The following TAF4B variants were observed in gnomAD, a reference collection of about 807,000 sequenced individuals.
The protein encoded by TAF4B is transcription initiation factor TFIID subunit 4B.
A neutral mutation model predicts 86.4 loss-of-function variants in TAF4B; 38 were observed. The ratio of observed to expected loss-of-function variants is 0.44; its 90% CI spans 0.34 to 0.58. The LOEUF (loss-of-function observed/expected upper bound fraction) is 0.58. Ranked by LOEUF, TAF4B falls within the 20% of genes least tolerant of loss-of-function variation. The pLI is 0.02. For synonymous variants in TAF4B, 388 were observed against 391.2 expected (o/e 0.99, Z 0.10); for missense variants, 988 against 1,027.6 (o/e 0.96, Z 0.53).
At chr18:26,315,095 A>ACTCTCT (rs58691265) in intron 9 of TAF4B, 134 bp from the exon 10 acceptor site, 3,652 of 219,356 alleles carry the variant, frequency 0.017, 73 homozygotes, top group East Asian at 0.073. Flanking sequence ...GCTCTCTGAA[A>ACTCTCT]CTCTCTCTCT....
chr18:26,229,725 A>T (rs1378331842), intron 1 of TAF4B, among the ~76,000 whole-genome samples: 1 of 151,548 alleles, frequency 6.6e-6, no homozygotes, highest in Non-Finnish European at 1.5e-5. Context: ...CTGGTCTCGA[A>T]CTCCTGACCT....
chr18:26,243,139 A>C (rs1331440140), intron 1 of TAF4B, among the ~76,000 whole-genome samples: 1 of 152,140 alleles, frequency 6.6e-6, no homozygotes, highest in Non-Finnish European at 1.5e-5. Flanking sequence ...CTGCCTTGCT[A>C]GGTTGGGGAA....
rs186192175 is a variant in TAF4B at position 26,385,785 on chromosome 18, T to C, written c.2422-4060T>C. On this transcript the variant is annotated intron_variant, in intron 14 of 14. Transcript: ENST00000269142. ...TAATGTGACCAGAAATCAGTCCTAG[T>C]CAACTCTGGGGAAAGGACTTGGTGA... Among the ~76,000 whole-genome samples, 297 of 150,722 alleles carry C rather than the reference T, an allele frequency of 2.0e-3. 2 individuals carry two copies. The highest frequency in any genetic ancestry group is 0.014 in the Middle Eastern group (4 of 292).
chr18:26,233,799 A>G (rs868184460), intron 1 of TAF4B, among the ~76,000 whole-genome samples: 2 of 152,152 alleles, frequency 1.3e-5, no homozygotes, highest in African/African-American at 4.8e-5. Flanking sequence ...AATCCCCTTG[A>G]CTTAGGCATA....
chr18:26,295,966 A>G (rs966026645), intron 9 of TAF4B, among the ~76,000 whole-genome samples: 7 of 144,458 alleles, frequency 4.8e-5, no homozygotes, highest in Non-Finnish European at 7.5e-5. Flanking sequence ...ATAGTTTTAA[A>G]TATTAGTTCT....
chr18:26,305,329 T>C (rs1361927007), intron 9 of TAF4B, among the ~76,000 whole-genome samples: 1 of 152,264 alleles, frequency 6.6e-6, no homozygotes, highest in African/African-American at 2.4e-5. Context: ...AACTTTCTTA[T>C]TTGCAATGCC....
intron 10 of TAF4B, among the ~76,000 whole-genome samples, chr18:26,320,821 G>T (rs771132759): frequency 6.6e-6 from 1 of 152,068 alleles, no homozygotes; most frequent in Non-Finnish European, 1.5e-5. Context: ...TCCTATAAAT[G>T]ACCTTGCAAG....
Position 26,293,446 on chromosome 18 carries a change from A to G in TAF4B, c.1747A>G (p.Thr583Ala). The G allele has an allele frequency of 6.3e-7, 1 of 1,596,202 alleles. No homozygotes were observed. The highest frequency in any genetic ancestry group is 8.5e-7 in the Non-Finnish European group (1 of 1,175,216). Residue 583 changes from threonine (T) to alanine (A), a missense_variant, in exon 9 of 15, where the codon ACT becomes GCT. By Grantham distance (58) the Thr-to-Ala change is moderately conservative. Transcript: ENST00000269142. ...TATAGCTTCCATTCTAAAGCAAATT[A>G]CTCTGCCTGGAAATAAAATTCTGTC... Reference protein sequence around the residue: ...FPPASILKQITLPGNKILSLQ... With the variant: ...FPPASILKQIALPGNKILSLQ...
At chr18:26,277,090 AT>A (rs1487855576) in intron 5 of TAF4B, among the ~76,000 whole-genome samples, 1 of 151,270 alleles carries the variant, frequency 6.6e-6, no homozygotes, top group African/African-American at 2.4e-5. Context: ...TATTGAAAAA[AT>A]TTTTTTTTGA....
intron 5 of TAF4B, among the ~76,000 whole-genome samples, chr18:26,279,919 C>T (rs1299497039): frequency 1.3e-5 from 2 of 152,052 alleles, no homozygotes; most frequent in Non-Finnish European, 2.9e-5. Flanking sequence ...TGGCATATGC[C>T]TGTAGTCCCA....
chr18:26,332,718 C>T (rs1257970675), intron 12 of TAF4B, among the ~76,000 whole-genome samples: 2 of 151,996 alleles, frequency 1.3e-5, no homozygotes, highest in African/African-American at 2.4e-5. Context: ...TTAGTAGAGA[C>T]GGGGTTTCAC....
At chr18:26,349,815 CTG>C (rs1355838028) in intron 13 of TAF4B, among the ~76,000 whole-genome samples, 1 of 152,202 alleles carries the variant, frequency 6.6e-6, no homozygotes, top group African/African-American at 2.4e-5. Flanking sequence ...TGCTTCAAAA[CTG>C]TAGTCACCGA....
chr18:26,342,683 C>A (rs2057145792), intron 13 of TAF4B, among the ~76,000 whole-genome samples: 1 of 152,164 alleles, frequency 6.6e-6, no homozygotes, highest in Non-Finnish European at 1.5e-5. Context: ...TCTTCAATTA[C>A]TGTTGCTTAG....
intron 14 of TAF4B, among the ~76,000 whole-genome samples, chr18:26,375,546 A>G (rs2057436804): frequency 1.3e-5 from 2 of 152,214 alleles, no homozygotes; most frequent in South Asian, 4.1e-4. Flanking sequence ...CACTTTCTCC[A>G]CATCCTTGCC....
chr18:26,383,508 T>C (rs1024366545), intron 14 of TAF4B, among the ~76,000 whole-genome samples: 1 of 152,170 alleles, frequency 6.6e-6, no homozygotes, highest in Non-Finnish European at 1.5e-5. Flanking sequence ...GTTTGAAACA[T>C]GTAGAATTTG....
At chr18:26,362,783 A>G (rs186685028) in intron 14 of TAF4B, among the ~76,000 whole-genome samples, 177 of 152,286 alleles carry the variant, frequency 1.2e-3, no homozygotes, top group African/African-American at 3.8e-3. Flanking sequence ...AGCTGAGATA[A>G]TAGTCATATA....
chr18:26,251,455 A>C lies in TAF4B; in HGVS notation c.344-13715A>C, dbSNP rs75509543. On this transcript the variant is annotated intron_variant, in intron 1 of 14. Coordinates refer to ENST00000269142, the MANE Select transcript of TAF4B (RefSeq NM_005640.3). ...TTCCATTCAGATCAGCTTGACACCAAGAAATTGGCATTTTTGGATGTTGGG... is the reference window on the plus strand; with the variant it reads ...TTCCATTCAGATCAGCTTGACACCACGAAATTGGCATTTTTGGATGTTGGG... 4.3e-3 allele frequency among the ~76,000 whole-genome samples: 654 copies of C among 152,286 alleles called. 3 individuals are homozygous for C. The highest frequency in any genetic ancestry group is 0.015 in the African/African-American group (624 of 41,558).
intron 1 of TAF4B, among the ~76,000 whole-genome samples, chr18:26,233,333 C>T (rs900091205): frequency 6.6e-6 from 1 of 152,086 alleles, no homozygotes; most frequent in Non-Finnish European, 1.5e-5. Flanking sequence ...GAGGAGAAGG[C>T]ATTCACTAGC....
chr18:26,292,642 C>A (rs1361645426), intron 8 of TAF4B, among the ~76,000 whole-genome samples: 1 of 152,110 alleles, frequency 6.6e-6, no homozygotes, highest in Non-Finnish European at 1.5e-5. Context: ...ATGTTCTCAC[C>A]CTCCGGAGTA....
Sources: gnomAD v4.1 joint callset for allele counts (sites outside exome capture counted in the v4.1 genomes callset) on GRCh38, gnomAD v4.1.1 for gene constraint, MANE v1.5 for transcripts, NCBI Gene and HGNC (gene_info 2026-07-23, HGNC 2026-07-21) for gene names.